The following ARHGAP15 variants were observed in gnomAD, a reference collection of about 807,000 sequenced individuals.
ARHGAP15 encodes Rho GTPase activating protein 15.
A neutral mutation model predicts 63.7 loss-of-function variants in ARHGAP15; 51 were observed. The observed-to-expected ratio is 0.80, with a 90% confidence interval of 0.64 to 1.01. The LOEUF (loss-of-function observed/expected upper bound fraction) is 1.01, where lower values mean the gene tolerates loss of function less well. Among genes scored for constraint, ARHGAP15 ranks in the 50% least tolerant of loss-of-function variants. The pLI is 0.00. For synonymous variants in ARHGAP15, 191 were observed against 193.8 expected, an observed-to-expected ratio of 0.99 and a Z score of 0.12; for missense variants, 560 against 564.6, an observed-to-expected ratio of 0.99 and a Z score of 0.08.
At chr2:143,412,488 G>C (rs1688489514) in intron 6 of ARHGAP15, among the ~76,000 whole-genome samples, 1 of 152,144 alleles carries the variant, frequency 6.6e-6, no homozygotes, top group South Asian at 2.1e-4. Context: ...TTGAGGATGA[G>C]TGCTATCTTT....
Position 143,190,991 on chromosome 2 carries a change from C to T in ARHGAP15, c.166-11143C>T, listed in dbSNP as rs528535630. Among the ~76,000 whole-genome samples, 10 of 152,206 alleles carry T rather than the reference C, an allele frequency of 6.6e-5. No individual in the cohort carries two copies. In the East Asian group the frequency reaches 1.9e-3, roughly 29 times the overall value. The stretch of plus-strand genomic sequence containing the variant: ...TCACCATGTTGGCCAGGATGGTCTC[C>T]ATCTTTTGACCTCATGATCCGCCCG... On this transcript the variant is annotated intron_variant, in intron 2 of 13. Coordinates refer to ENST00000295095, the MANE Select transcript of ARHGAP15 (RefSeq NM_018460.4).
At chr2:143,309,130 A>G (rs1683320200) in intron 6 of ARHGAP15, among the ~76,000 whole-genome samples, 1 of 152,048 alleles carries the variant, frequency 6.6e-6, no homozygotes. Context: ...GACACACTGA[A>G]GGAGATTTGT....
intron 9 of ARHGAP15, among the ~76,000 whole-genome samples, chr2:143,490,561 A>G (rs1160202902): frequency 1.3e-5 from 2 of 152,204 alleles, no homozygotes; most frequent in South Asian, 4.1e-4. Flanking sequence ...TTCATTAGCT[A>G]GAACCTAGAC....
chr2:143,517,596 T>C (rs1184619285), intron 9 of ARHGAP15, among the ~76,000 whole-genome samples: 1 of 152,208 alleles, frequency 6.6e-6, no homozygotes, highest in Non-Finnish European at 1.5e-5. Context: ...ATGGTTGAGA[T>C]ATGACGCCTA....
intron 1 of ARHGAP15, among the ~76,000 whole-genome samples, chr2:143,142,985 A>G (rs1413936721): frequency 6.6e-6 from 1 of 152,124 alleles, no homozygotes; most frequent in African/African-American, 2.4e-5. Flanking sequence ...TTTTACTTTA[A>G]TGTGTCCAAG....
chr2:143,225,462 G>A (rs1165152614), intron 4 of ARHGAP15, among the ~76,000 whole-genome samples: 3 of 152,058 alleles, frequency 2.0e-5, no homozygotes, highest in Non-Finnish European at 1.5e-5. Context: ...TTAGCCGGGC[G>A]TGTTGGTGGG....
chr2:143,451,321 T>C (rs1391874832), intron 8 of ARHGAP15, among the ~76,000 whole-genome samples: 1 of 151,946 alleles, frequency 6.6e-6, no homozygotes, highest in Non-Finnish European at 1.5e-5. Flanking sequence ...ACAGAAGCTA[T>C]ACTGATTATT....
At chr2:143,620,786 G>A (rs1390205689) in intron 11 of ARHGAP15, among the ~76,000 whole-genome samples, 1 of 152,198 alleles carries the variant, frequency 6.6e-6, no homozygotes, top group Non-Finnish European at 1.5e-5. Context: ...TGAATGTAGA[G>A]TGCATAGCAC....
intron 13 of ARHGAP15, among the ~76,000 whole-genome samples, chr2:143,736,537 A>C (rs1685753457): frequency 6.6e-6 from 1 of 152,208 alleles, no homozygotes; most frequent in African/African-American, 2.4e-5. Flanking sequence ...TAGAGTGTAT[A>C]GTTATAGACA....
chr2:143,768,131 C>G lies in ARHGAP15; in HGVS notation c.1387C>G (p.Leu463Val). ...CCAGAACCAGATAGCTGAGCTCATG[C>G]TGAGTGAGTACAGTAAGATCTTCGG... ...VYQNQIAELMLSEYSKIFGSE... is the reference protein window; with the variant it reads ...VYQNQIAELMVSEYSKIFGSE... Residue 463 changes from leucine (L) to valine (V), a missense_variant, in exon 14 of 14, where the codon CTG becomes GTG. By Grantham distance (32) the Leu-to-Val change is conservative. Transcript: ENST00000295095. 6.2e-7 allele frequency: 1 copy of G among 1,613,756 alleles called. No homozygotes were observed. Among genetic ancestry groups the G allele is most frequent in the Non-Finnish European group, 8.5e-7 (1 of 1,179,748 alleles).
intron 12 of ARHGAP15, among the ~76,000 whole-genome samples, chr2:143,684,517 G>A (rs1340710027): frequency 6.6e-6 from 1 of 151,880 alleles, no homozygotes; most frequent in African/African-American, 2.4e-5. Context: ...CTTATTGGGG[G>A]GTCCCATGGG....
intron 1 of ARHGAP15, among the ~76,000 whole-genome samples, chr2:143,148,572 T>C (rs2104998745): frequency 6.6e-6 from 1 of 152,166 alleles, no homozygotes; most frequent in South Asian, 2.1e-4. Context: ...TGTATTACAA[T>C]TTACCATGCT....
At chr2:143,182,637 G>T (rs1322489927) in intron 2 of ARHGAP15, among the ~76,000 whole-genome samples, 2 of 152,088 alleles carry the variant, frequency 1.3e-5, no homozygotes, top group Admixed American at 1.3e-4. Flanking sequence ...TTTCTAGAAG[G>T]TTGAGAATTA....
rs112621967 is a variant in ARHGAP15, at chr2:143,726,424, C to CA, written c.1244+22910dup. 8.8e-4 allele frequency among the ~76,000 whole-genome samples: 126 copies of CA among 143,352 alleles called. 1 individual carries two copies. In the East Asian group the frequency reaches 0.017, roughly 20 times the overall value. The allele number at this position is 143,352 out of a possible 152,430, so 94.0% of individuals were successfully genotyped here. On this transcript the variant is annotated intron_variant, in intron 13 of 13. Transcript: ENST00000295095. ...TATTACTCTGCCTGAAAAAAACAAC[C>CA]AAAAAAAAAAGAAAAAAAAAAGCTT...
intron 12 of ARHGAP15, among the ~76,000 whole-genome samples, chr2:143,658,212 C>T (rs149571482): frequency 3.9e-5 from 6 of 152,266 alleles, no homozygotes; most frequent in Non-Finnish European, 7.4e-5. Flanking sequence ...ATTTTATGTG[C>T]ATTATCTTGT....
At chr2:143,710,127 G>A (rs1394917569) in intron 13 of ARHGAP15, among the ~76,000 whole-genome samples, 1 of 151,656 alleles carries the variant, frequency 6.6e-6, no homozygotes, top group Admixed American at 6.6e-5. Flanking sequence ...TGAGGAACCT[G>A]TGCAAATTAT....
intron 11 of ARHGAP15, among the ~76,000 whole-genome samples, chr2:143,616,864 T>A (rs529863871): frequency 4.6e-5 from 7 of 152,338 alleles, no homozygotes; most frequent in African/African-American, 1.7e-4. Context: ...CTTTGATAGG[T>A]ATCATGACCA....
At chr2:143,307,081 A>T (rs1558880640) in intron 6 of ARHGAP15, among the ~76,000 whole-genome samples, 1 of 152,108 alleles carries the variant, frequency 6.6e-6, no homozygotes, top group African/African-American at 2.4e-5. Context: ...CAAGTCCCAT[A>T]CACTTTATGA....
At chr2:143,655,595 A>AT in intron 12 of ARHGAP15, among the ~76,000 whole-genome samples, 1 of 152,292 alleles carries the variant, frequency 6.6e-6, no homozygotes, top group Middle Eastern at 3.4e-3. Context: ...AGTAGAGTTG[A>AT]TTTTAGGAGC....
Sources: gnomAD v4.1 joint callset for allele counts (sites outside exome capture counted in the v4.1 genomes callset) on GRCh38, gnomAD v4.1.1 for gene constraint, MANE v1.5 for transcripts, NCBI Gene and HGNC (gene_info 2026-07-23, HGNC 2026-07-21) for gene names.